SPPL3: variants seen among roughly 807,000 people sequenced by gnomAD.
SPPL3 encodes the protein signal peptide peptidase like 3.
Under a neutral mutation model 42.4 loss-of-function variants are expected in SPPL3, and 5 were observed. The observed-to-expected ratio is 0.12, with a 90% CI of 0.06 to 0.25. The LOEUF (loss-of-function observed/expected upper bound fraction) is 0.25, where lower values mean the gene tolerates loss of function less well. Among genes scored for constraint, SPPL3 ranks in the 10% least tolerant of loss-of-function variants. The pLI is 1.00. For synonymous variants in SPPL3, 195 were observed against 181.8 expected (o/e 1.07, Z -0.58); for missense variants, 235 against 489.0 (o/e 0.48, Z 4.90).
intron 3 of SPPL3, 39 bp from the exon 4 acceptor site, chr12:120,784,632 C>A: frequency 6.4e-7 from 1 of 1,552,722 alleles, no homozygotes; most frequent in Non-Finnish European, 8.7e-7. Context: ...ACTTATTATG[C>A]ACCAGGCACT....
intron 2 of SPPL3, among the ~76,000 whole-genome samples, chr12:120,801,613 A>C (rs1870300341): frequency 6.6e-6 from 1 of 152,168 alleles, no homozygotes; most frequent in African/African-American, 2.4e-5. Flanking sequence ...ACATCTTTCC[A>C]CATTAGTATA....
chr12:120,861,861 G>GT (rs1246354583), intron 1 of SPPL3, among the ~76,000 whole-genome samples: 1 of 152,218 alleles, frequency 6.6e-6, no homozygotes, highest in Admixed American at 6.5e-5. Flanking sequence ...GGAGTTAGGG[G>GT]TAAGAGAGGG....
chr12:120,856,503 CT>C (rs35137934), intron 1 of SPPL3, among the ~76,000 whole-genome samples: 3,912 of 89,130 alleles, frequency 0.044, 40 homozygotes, highest in East Asian at 0.078. Context: ...CAATTTTCAT[CT>C]TTTTTTTTTT....
intron 6 of SPPL3, among the ~76,000 whole-genome samples, chr12:120,774,840 C>A (rs766852177): frequency 6.6e-6 from 1 of 152,094 alleles, no homozygotes; most frequent in Non-Finnish European, 1.5e-5. Flanking sequence ...CTGAGACTCT[C>A]TCTTATAGGT....
At position 120,883,308 on chromosome 12, in the gene SPPL3, A is replaced by AAAAC. The variant is rs948680540; in HGVS notation, c.23+20533_23+20536dup. On this transcript the variant is annotated intron_variant, in intron 1 of 10. Transcript: ENST00000353487. ...CGACAGAGCAAGACTCCCGTCTCAA[A>AAAAC]AAACAAACAAACAAACAAAAAACAA... Among the ~76,000 whole-genome samples, 48 of 152,290 alleles carry AAAAC rather than the reference A, an allele frequency of 3.2e-4. 1 individual carries two copies. Among genetic ancestry groups the AAAAC allele is most frequent in the Non-Finnish European group, 2.1e-4 (14 of 68,026 alleles).
chr12:120,763,820 C>CTT lies in SPPL3; in HGVS notation c.*1177_*1178dup, dbSNP rs1868762747. The CTT allele has an allele frequency of 1.7e-5, 1 of 58,872 alleles. No homozygotes were observed. Among genetic ancestry groups the CTT allele is most frequent in the Non-Finnish European group, 3.3e-5 (1 of 30,320 alleles). 3.6% of individuals were successfully genotyped at this position (58,872 alleles called of 1,614,324 possible). A position where few individuals can be genotyped will look rare whatever the true frequency, so the allele number is the denominator to read the frequency against. ...TGTTGCTTTTTTCCTTTTTTTTTTT[C>CTT]TTAAAGGAGTGAGGGCATGGAAAAT... is the stretch of plus-strand genomic sequence containing the variant. On this transcript the variant is annotated 3_prime_UTR_variant, in exon 11 of 11. Transcript: ENST00000353487.
At chr12:120,862,058 G>A (rs750182683) in intron 1 of SPPL3, among the ~76,000 whole-genome samples, 14 of 152,128 alleles carry the variant, frequency 9.2e-5, no homozygotes, top group Non-Finnish European at 1.5e-4. Context: ...GTCCAGAGAA[G>A]TAGTTTTCAA....
Position 120,763,140 on chromosome 12 carries a change from G to GA in SPPL3, c.*1858dup, listed in dbSNP as rs748889243. The GA allele has an allele frequency of 6.6e-6, 1 of 152,266 alleles. No homozygotes were observed. Among genetic ancestry groups the GA allele is most frequent in the Non-Finnish European group, 1.5e-5 (1 of 68,078 alleles). 9.4% of individuals were successfully genotyped at this position (152,266 alleles called of 1,614,324 possible). On this transcript the variant is annotated 3_prime_UTR_variant, in exon 11 of 11. Coordinates refer to ENST00000353487, the MANE Select transcript of SPPL3 (RefSeq NM_139015.5). The stretch of plus-strand genomic sequence containing the variant: ...AGATGACCAGGTCTGGGGACAGACA[G>GA]AGTCTTCCCATCAGTCTTCCAGAAC...
At chr12:120,794,599 T>C (rs1261315533) in intron 2 of SPPL3, among the ~76,000 whole-genome samples, 2 of 152,164 alleles carry the variant, frequency 1.3e-5, no homozygotes, top group African/African-American at 4.8e-5. Context: ...GGTTTCACTA[T>C]GTTGGCCAGG....
chr12:120,880,886 A>C (rs1674798819), intron 1 of SPPL3, among the ~76,000 whole-genome samples: 2 of 152,102 alleles, frequency 1.3e-5, no homozygotes, highest in South Asian at 4.1e-4. Flanking sequence ...CCCAGCCAAA[A>C]AAAAAAATGG....
chr12:120,791,239 T>C (rs183996441), intron 3 of SPPL3, among the ~76,000 whole-genome samples: 1 of 152,356 alleles, frequency 6.6e-6, no homozygotes, highest in Non-Finnish European at 1.5e-5. Context: ...ATTAATATTA[T>C]CAAATCAAGT....
intron 6 of SPPL3, among the ~76,000 whole-genome samples, chr12:120,779,327 T>C (rs1391973197): frequency 6.6e-6 from 1 of 152,180 alleles, no homozygotes; most frequent in Non-Finnish European, 1.5e-5. Context: ...AGGGAAACAC[T>C]GCCTGGTGGA....
chr12:120,865,713 C>T (rs925023786), intron 1 of SPPL3, among the ~76,000 whole-genome samples: 7 of 152,226 alleles, frequency 4.6e-5, no homozygotes, highest in Non-Finnish European at 1.0e-4. Flanking sequence ...CTACGCTCTA[C>T]AGCAGTGTTT....
At chr12:120,856,303 CAAA>C (rs1216777153) in intron 1 of SPPL3, among the ~76,000 whole-genome samples, 1 of 150,726 alleles carries the variant, frequency 6.6e-6, no homozygotes, top group Non-Finnish European at 1.5e-5. Flanking sequence ...AAAAGAAACA[CAAA>C]GAAGAGAAGG....
At chr12:120,794,644 C>G (rs900437326) in intron 2 of SPPL3, among the ~76,000 whole-genome samples, 1 of 152,130 alleles carries the variant, frequency 6.6e-6, no homozygotes, top group Non-Finnish European at 1.5e-5. Flanking sequence ...GATCCGCCTG[C>G]CCTGACCTCC....
At chr12:120,837,510 A>G (rs1871661194) in intron 1 of SPPL3, among the ~76,000 whole-genome samples, 1 of 152,228 alleles carries the variant, frequency 6.6e-6, no homozygotes, top group Non-Finnish European at 1.5e-5. Flanking sequence ...ATTTAGCTGC[A>G]TTTGAAGGCA....
intron 6 of SPPL3, chr12:120,769,340 C>T: frequency 3.1e-6 from 1 of 320,150 alleles, no homozygotes; most frequent in Non-Finnish European, 5.9e-6. Flanking sequence ...CTCTCTTTTC[C>T]TGCCTTCCCT....
intron 1 of SPPL3, chr12:120,845,319 G>T: frequency 2.9e-6 from 1 of 345,894 alleles, no homozygotes. Context: ...GCTCGTCCTC[G>T]GCCAGCATCC....
intron 2 of SPPL3, among the ~76,000 whole-genome samples, chr12:120,801,458 C>CT (rs1301009655): frequency 6.6e-6 from 1 of 151,530 alleles, no homozygotes; most frequent in Non-Finnish European, 1.5e-5. Context: ...TTTTGTAAGA[C>CT]TTTTGTGCAC....
Sources: allele counts gnomAD v4.1 joint callset (sites outside exome capture counted in the v4.1 genomes callset), GRCh38; gene constraint gnomAD v4.1.1; transcripts MANE v1.5; gene names NCBI Gene and HGNC (gene_info 2026-07-23, HGNC 2026-07-21).